RASGRP3: variants seen among roughly 807,000 people sequenced by gnomAD.
RASGRP3 encodes the protein RAS guanyl releasing protein 3, also known as ras guanyl-releasing protein 3.
Under a neutral mutation model 82.7 loss-of-function variants are expected in RASGRP3, and 54 were observed. That is an observed-to-expected ratio of 0.65 (90% CI 0.52 to 0.82). The LOEUF is 0.82. RASGRP3 is among the 40% of genes least tolerant of loss of function. RASGRP3 has a pLI of 0.00. For missense variants in RASGRP3, 861 were observed against 828.9 expected (o/e 1.04, Z -0.48); for synonymous variants, 309 against 300.5 (o/e 1.03, Z -0.29).
chr2:33,508,403 A>G (rs1250513385), intron 1 of RASGRP3, among the ~76,000 whole-genome samples: 1 of 152,216 alleles, frequency 6.6e-6, no homozygotes, highest in African/African-American at 2.4e-5. Context: ...AAGTTAATTC[A>G]CGTAACGTGG....
At chr2:33,562,618 C>G (rs1676802923) in intron 17 of RASGRP3, 111 bp from the exon 18 acceptor site, 3 of 1,209,966 alleles carry the variant, frequency 2.5e-6, no homozygotes, top group Non-Finnish European at 3.6e-6. Flanking sequence ...CTACAAGGTA[C>G]TGATCATTTC....
intron 1 of RASGRP3, among the ~76,000 whole-genome samples, chr2:33,496,827 A>C (rs1669366764): frequency 6.6e-6 from 1 of 152,256 alleles, no homozygotes; most frequent in African/African-American, 2.4e-5. Context: ...ACTTCACTCC[A>C]GCCTGGGTGA....
At chr2:33,501,050 C>T (rs954816970) in intron 1 of RASGRP3, among the ~76,000 whole-genome samples, 6 of 152,188 alleles carry the variant, frequency 3.9e-5, no homozygotes, top group African/African-American at 1.4e-4. Context: ...CAAAAAGAAA[C>T]GGTGAACCCA....
chr2:33,489,504 T>C (rs1359829714), intron 1 of RASGRP3, among the ~76,000 whole-genome samples: 1 of 152,208 alleles, frequency 6.6e-6, no homozygotes, highest in Admixed American at 6.5e-5. Flanking sequence ...ATACTGATAT[T>C]TAGTCAGCAG....
chr2:33,516,369 T>C (rs1671468694), intron 3 of RASGRP3, among the ~76,000 whole-genome samples, 173 bp from the exon 4 acceptor site: 1 of 152,212 alleles, frequency 6.6e-6, no homozygotes, highest in Admixed American at 6.5e-5. Flanking sequence ...ATCATGCCAG[T>C]GCACTCCAGC....
chr2:33,483,915 C>T (rs960190034), intron 1 of RASGRP3, among the ~76,000 whole-genome samples: 1 of 151,912 alleles, frequency 6.6e-6, no homozygotes, highest in African/African-American at 2.4e-5. Context: ...TGCTAGAGAC[C>T]TTAATAGTTA....
At chr2:33,528,851 G>A (rs1266922374) in intron 10 of RASGRP3, among the ~76,000 whole-genome samples, 1 of 152,182 alleles carries the variant, frequency 6.6e-6, no homozygotes, top group Non-Finnish European at 1.5e-5. Context: ...TGGGGGCAGG[G>A]AACGCAACTC....
At chr2:33,560,562 G>T (rs1403017288) in intron 17 of RASGRP3, among the ~76,000 whole-genome samples, 1 of 152,156 alleles carries the variant, frequency 6.6e-6, no homozygotes. Flanking sequence ...ATTCTCCTGG[G>T]GGGTATGTGA....
intron 15 of RASGRP3, among the ~76,000 whole-genome samples, chr2:33,556,231 C>CT (rs573022728): frequency 0.017 from 998 of 57,492 alleles, 190 homozygotes; most frequent in East Asian, 0.02. Context: ...TTCTAATAAT[C>CT]TTTTTTTTTT....
At chr2:33,508,039 G>C (rs1422450519) in intron 1 of RASGRP3, among the ~76,000 whole-genome samples, 3 of 152,304 alleles carry the variant, frequency 2.0e-5, no homozygotes, top group African/African-American at 7.2e-5. Flanking sequence ...AAGATTTACT[G>C]ATCCATTGTC....
chr2:33,514,910 C>T (rs1671300092), intron 2 of RASGRP3, 100 bp from the exon 3 acceptor site: 1 of 522,370 alleles, frequency 1.9e-6, no homozygotes, highest in South Asian at 2.6e-5. Flanking sequence ...TACAAAGATA[C>T]AGTCTATGGA....
At position 33,459,011 on chromosome 2, in the gene RASGRP3, G is replaced by T. The variant is rs115717374; in HGVS notation, c.-261+11068G>T. ...TTTTTAAAAAATTATGATTCTACAT[G>T]AAAAAATCTAACATTTTTAACATAA... On this transcript the variant is annotated intron_variant, in intron 2 of 18. Transcript: ENST00000402538. 2.8e-3 allele frequency among the ~76,000 whole-genome samples: 432 copies of T among 152,152 alleles called. 1 individual carries two copies. Among genetic ancestry groups the T allele is most frequent in the Non-Finnish European group, 4.6e-3 (315 of 68,000 alleles).
chr2:33,447,614 A>G (rs1665574477), intron 1 of RASGRP3, among the ~76,000 whole-genome samples: 1 of 151,946 alleles, frequency 6.6e-6, no homozygotes, highest in African/African-American at 2.4e-5. Flanking sequence ...TTTTTGTGTT[A>G]GTAGAGACGA....
chr2:33,539,073 G>GT (rs772115146), intron 11 of RASGRP3, 21 bp from the exon 12 acceptor site: 4 of 1,453,550 alleles, frequency 2.8e-6, no homozygotes, highest in South Asian at 1.3e-5. Flanking sequence ...AAAAATATGT[G>GT]GTTTTTTTTT....
At chr2:33,476,758 C>CGTGCGTGTGT (rs1553338895) in intron 1 of RASGRP3, 51 bp downstream of exon 1, 10,872 of 140,218 alleles carry the variant, frequency 0.078, 518 homozygotes, top group Non-Finnish European at 0.1. Flanking sequence ...ATTCCCTCTC[C>CGTGCGTGTGT]GTGTGTGTGT....
chr2:33,535,974 A>G (rs1006753844), intron 11 of RASGRP3, among the ~76,000 whole-genome samples: 1 of 152,184 alleles, frequency 6.6e-6, no homozygotes, highest in East Asian at 1.9e-4. Flanking sequence ...CTGGCAGAGC[A>G]TCATACACAG....
chr2:33,562,586 T>A (rs1235145361), intron 17 of RASGRP3, 143 bp from the exon 18 acceptor site: 1 of 909,694 alleles, frequency 1.1e-6, no homozygotes, highest in African/African-American at 1.7e-5. Flanking sequence ...CATGATCTCC[T>A]AATTCCCACT....
chr2:33,553,368 T>C (rs553531641), intron 14 of RASGRP3, among the ~76,000 whole-genome samples: 2 of 152,316 alleles, frequency 1.3e-5, no homozygotes, highest in East Asian at 1.9e-4. Flanking sequence ...CATAAGGACA[T>C]CATGAGCAAT....
intron 2 of RASGRP3, among the ~76,000 whole-genome samples, chr2:33,461,277 A>G (rs546184671): frequency 3.9e-5 from 6 of 152,138 alleles, no homozygotes; most frequent in African/African-American, 1.4e-4. Context: ...CTCTACCACT[A>G]TTTTATTTTA....
Sources: allele counts gnomAD v4.1 joint callset (sites outside exome capture counted in the v4.1 genomes callset), GRCh38; gene constraint gnomAD v4.1.1; transcripts MANE v1.5; gene names NCBI Gene and HGNC (gene_info 2026-07-23, HGNC 2026-07-21).